The following MAP3K11 variants were observed in gnomAD, a reference collection of about 807,000 sequenced individuals.
MAP3K11 encodes mitogen-activated protein kinase kinase kinase 11.
Under a neutral mutation model 84.9 loss-of-function variants are expected in MAP3K11, and 46 were observed. The ratio of observed to expected loss-of-function variants is 0.54; its 90% CI spans 0.43 to 0.69. The LOEUF is 0.69. MAP3K11 is among the 30% of genes least tolerant of loss of function. The probability of loss-of-function intolerance (pLI) is 0.00; values close to 1 mark genes in which losing one functional copy is unlikely to be tolerated. For synonymous variants in MAP3K11, 527 were observed against 514.7 expected (o/e 1.02, Z -0.32); for missense variants, 1,053 against 1,198.3 (o/e 0.88, Z 1.79).
At position 65,605,957 on chromosome 11, in the gene MAP3K11, G is replaced by A. The variant is rs765724275; in HGVS notation, c.1728C>T (p.Ala576=). 6.2e-7 allele frequency: 1 copy of A among 1,601,172 alleles called. No homozygotes were observed. The highest frequency in any genetic ancestry group is 8.5e-7 in the Non-Finnish European group (1 of 1,176,138). Residue 576 remains alanine (A), a synonymous_variant, in exon 7 of 10, where the codon GCC becomes GCT. Transcript: ENST00000309100. The part of the protein sequence containing the change: ...WGPSSPKPGE[A]QNGRRRSRMD... ...ACTCAGGTACTCACCTCCCATTCTGGGCTTCCCCAGGCTTGGGGGAACTGG... is the reference window on the plus strand; with the variant it reads ...ACTCAGGTACTCACCTCCCATTCTGAGCTTCCCCAGGCTTGGGGGAACTGG...
Position 65,599,572 on chromosome 11 carries a change from T to A in MAP3K11, c.2028A>T (p.Thr676=), listed in dbSNP as rs570112119. Residue 676 remains threonine (T), a synonymous_variant, in exon 9 of 10, where the codon ACA becomes ACT. Transcript: ENST00000309100. Reference sequence around the variant, plus strand: ...GCGCGGGCGTTGGCGTGGGGGGTGTTGTCGGGGACTCCCCGCGCTCGCGTC... The same window carrying A: ...GCGCGGGCGTTGGCGTGGGGGGTGTAGTCGGGGACTCCCCGCGCTCGCGTC... ...GPGRERGESP[T]TPPTPTPAPC... 1 of 1,502,776 alleles carries A rather than the reference T, an allele frequency of 6.7e-7. No individual in the cohort carries two copies. Among genetic ancestry groups the A allele is most frequent in the South Asian group, 1.3e-5 (1 of 75,194 alleles). The allele number at this position is 1,502,776 out of a possible 1,614,324, so 93.1% of individuals were successfully genotyped here.
At chr11:65,610,728 CTGTTCCAGTATCT>C (rs1854562969) in intron 1 of MAP3K11, 1 of 152,292 alleles carries the variant, frequency 6.6e-6, no homozygotes, top group Admixed American at 6.5e-5. Context: ...TGGCAAAGTG[CTGTTCCAGTATCT>C]CAGGCCGGGT....
Position 65,613,843 on chromosome 11 carries a change from C to G in MAP3K11, c.-87G>C. 7.1e-7 allele frequency: 1 copy of G among 1,408,114 alleles called. No homozygotes were observed. Among genetic ancestry groups the G allele is most frequent in the Non-Finnish European group, 9.3e-7 (1 of 1,072,650 alleles). 87.2% of individuals were successfully genotyped at this position (1,408,114 alleles called of 1,614,324 possible). On this transcript the variant is annotated 5_prime_UTR_variant, in exon 1 of 10. Coordinates refer to ENST00000309100, the MANE Select transcript of MAP3K11 (RefSeq NM_002419.4). ...CCGCTGGCTGCCAAGGCCCTAGTCC[C>G]GGAACCTGGGCATCCGGGCCCTGGC...
At chr11:65,605,705 A>G in intron 8 of MAP3K11, 56 bp downstream of exon 8, 1 of 1,368,464 alleles carries the variant, frequency 7.3e-7, no homozygotes, top group Non-Finnish European at 1.0e-6. Flanking sequence ...TGGCCTCCCC[A>G]AGGTGCCCAC....
In MAP3K11 at chr11:65,613,761, G is replaced by A. The variant is rs762933984; in HGVS notation, c.-5C>T. 26 of 1,538,084 alleles carry A rather than the reference G, an allele frequency of 1.7e-5. No homozygotes were observed. The East Asian group carries it at 1.8e-4, about 11-fold the overall frequency. The stretch of plus-strand genomic sequence containing the variant: ...GAGGCTCTTCAAGGGCTCCATGGCC[G>A]GGAGCCGGCGCTGGGATGTGTGGAG... On this transcript the variant is annotated 5_prime_UTR_variant, in exon 1 of 10. Transcript: ENST00000309100.
chr11:65,602,255 T>C (rs971076907), intron 8 of MAP3K11, among the ~76,000 whole-genome samples: 1 of 144,350 alleles, frequency 6.9e-6, no homozygotes, highest in African/African-American at 2.6e-5. Flanking sequence ...CTCAAGCCTA[T>C]AATCCCAGCA....
Position 65,607,279 on chromosome 11 carries a change from T to G in MAP3K11, c.1480A>C (p.Met494Leu). Residue 494 changes from methionine to leucine, a missense_variant, in exon 5 of 10, where the codon ATG (methionine) becomes CTG (leucine). This residue lies in a region of MAP3K11 where 583 missense variants were observed against 566.6 expected (regional missense o/e 1.03). Coordinates refer to ENST00000309100, the MANE Select transcript of MAP3K11 (RefSeq NM_002419.4). The part of the protein sequence containing the change: ...RARDGGERIS[M>L]PLDFKHRITV... Reference sequence around the variant, plus strand: ...GGGGCCCGGCCCTCACCGAGTGGCATGCTGATACGCTCGCCGCCGTCGCGC... The same window carrying G: ...GGGGCCCGGCCCTCACCGAGTGGCAGGCTGATACGCTCGCCGCCGTCGCGC... The G allele has an allele frequency of 2.0e-6, 3 of 1,519,792 alleles. No individual in the cohort carries two copies. The highest frequency in any genetic ancestry group is 2.6e-6 in the Non-Finnish European group (3 of 1,142,842). The allele number at this position is 1,519,792 out of a possible 1,614,324, so 94.1% of individuals were successfully genotyped here. A position where few individuals can be genotyped will look rare whatever the true frequency, so the allele number is the denominator to read the frequency against.
At chr11:65,605,715 C>G (rs578101720) in intron 8 of MAP3K11, 46 bp downstream of exon 8, 3 of 1,475,092 alleles carry the variant, frequency 2.0e-6, no homozygotes, top group Admixed American at 3.9e-5. Flanking sequence ...AAGGTGCCCA[C>G]GGAAGGAGCT....
chr11:65,606,645 A>C, intron 6 of MAP3K11, 46 bp downstream of exon 6: 2 of 1,374,282 alleles, frequency 1.5e-6, no homozygotes, highest in South Asian at 1.3e-5. Flanking sequence ...GACAGAGAAT[A>C]AGGAGCTGGG....
rs144595056 is a variant in MAP3K11 at position 65,599,525 on chromosome 11, G to T, written c.2075C>A (p.Pro692His). The T allele has an allele frequency of 6.7e-7, 1 of 1,494,060 alleles. No individual in the cohort carries two copies. Among genetic ancestry groups the T allele is most frequent in the African/African-American group, 1.5e-5 (1 of 67,582 alleles). 92.6% of individuals were successfully genotyped at this position (1,494,060 alleles called of 1,614,324 possible). Residue 692 changes from proline (P) to histidine (H), a missense_variant, in exon 9 of 10, where the codon CCT becomes CAT. This residue lies in a region of MAP3K11 where 583 missense variants were observed against 566.6 expected (regional missense o/e 1.03). Transcript: ENST00000309100. ...TPAPCPTEPP[P>H]SPLICFSLKT... The stretch of plus-strand genomic sequence containing the variant: ...GAGCGAGAAGCAGATGAGCGGGGAA[G>T]GGGGCGGCTCGGTCGGGCAGGGCGC...
chr11:65,600,848 G>A (rs1202786861), intron 8 of MAP3K11, among the ~76,000 whole-genome samples: 1 of 152,100 alleles, frequency 6.6e-6, no homozygotes, highest in Non-Finnish European at 1.5e-5. Context: ...TGGATGTCGG[G>A]AGGGAGAAAT....
In MAP3K11 at chr11:65,606,818, TG is replaced by T. The variant is rs754485269; in HGVS notation, c.1490-15del. 18 of 1,561,394 alleles carry T rather than the reference TG, an allele frequency of 1.2e-5. No individual in the cohort carries two copies. Among genetic ancestry groups the T allele is most frequent in the Admixed American group, 1.7e-5 (1 of 58,564 alleles). The stretch of plus-strand genomic sequence containing the variant: ...GGTGCTTGAAGTCTGGGATTTGGGT[TG>T]GGGGGAGCAGGGTTCAGGTTTGTGA... On this transcript the variant is annotated splice_polypyrimidine_tract_variant and intron_variant, in intron 5 of 9. Coordinates refer to ENST00000309100, the MANE Select transcript of MAP3K11 (RefSeq NM_002419.4).
intron 8 of MAP3K11, among the ~76,000 whole-genome samples, chr11:65,602,942 C>A (rs1225451871): frequency 1.3e-5 from 2 of 152,070 alleles, no homozygotes; most frequent in African/African-American, 4.8e-5. Context: ...CCCATCTCTA[C>A]AAAAAATATA....
Position 65,605,039 on chromosome 11 carries a change from C to T in MAP3K11, c.1831+722G>A, listed in dbSNP as rs149954894. On this transcript the variant is annotated intron_variant, in intron 8 of 9. Coordinates refer to ENST00000309100, the MANE Select transcript of MAP3K11 (RefSeq NM_002419.4). ...CAAGTGAAAGCTTCTGAGCTCACTA[C>T]GAGAGCATTGGAGCTGAAGCCTCTC... Among the ~76,000 whole-genome samples, 7 of 152,260 alleles carry T rather than the reference C, an allele frequency of 4.6e-5. No homozygotes were observed. The East Asian group carries it at 9.7e-4, about 21-fold the overall frequency.
In MAP3K11 at chr11:65,598,546, G is replaced by A. The variant is rs1467032044; in HGVS notation, c.2289C>T (p.Leu763=). The A allele has an allele frequency of 6.2e-7, 1 of 1,610,858 alleles. No individual in the cohort carries two copies. The highest frequency in any genetic ancestry group is 8.5e-7 in the Non-Finnish European group (1 of 1,178,468). ...PGTPRSPPLG[L]ISRPRPSPLR... ...GGGGCGAGGGCCGAGGTCGGCTGAT[G>A]AGGCCCAGGGGTGGTGAACGTGGGG... Residue 763 remains leucine, a synonymous_variant, in exon 10 of 10, where the codon CTC becomes CTT. Transcript: ENST00000309100.
intron 1 of MAP3K11, 86 bp downstream of exon 1, chr11:65,612,932 T>G (rs1854590667): frequency 1.4e-6 from 2 of 1,442,366 alleles, no homozygotes; most frequent in Non-Finnish European, 1.8e-6. Flanking sequence ...CTACCTGCAG[T>G]AGACCCTAAG....
chr11:65,601,430 A>C (rs1427022972), intron 8 of MAP3K11, among the ~76,000 whole-genome samples: 1 of 152,172 alleles, frequency 6.6e-6, no homozygotes, highest in African/African-American at 2.4e-5. Flanking sequence ...AGGTCAGGGC[A>C]GTGTTTAACA....
intron 8 of MAP3K11, 74 bp from the exon 9 acceptor site, chr11:65,599,842 G>A: frequency 6.6e-7 from 1 of 1,506,964 alleles, no homozygotes; most frequent in South Asian, 1.2e-5. Flanking sequence ...CCTCTCCGTG[G>A]TCTTGGAACA....
chr11:65,607,617 G>T, intron 4 of MAP3K11, 24 bp downstream of exon 4: 1 of 1,588,074 alleles, frequency 6.3e-7, no homozygotes. Context: ...TCGTTCCAAC[G>T]CTGGGTCCCT....
Sources: gnomAD v4.1 joint callset for allele counts (sites outside exome capture counted in the v4.1 genomes callset) on GRCh38, gnomAD v4.1.1 for gene constraint, gnomAD v4.1.1 regional missense constraint, MANE v1.5 for transcripts, NCBI Gene and HGNC (gene_info 2026-07-23, HGNC 2026-07-21) for gene names.